Variants in ADAMTS9 observed in about 807,000 individuals in gnomAD.
ADAMTS9 encodes the protein ADAM metallopeptidase with thrombospondin type 1 motif 9.
Under a neutral mutation model 257.1 loss-of-function variants are expected in ADAMTS9, and 107 were observed. The ratio of observed to expected loss-of-function variants is 0.42; its 90% CI spans 0.36 to 0.49. The LOEUF is 0.49. Among genes scored for constraint, ADAMTS9 ranks in the 20% least tolerant of loss-of-function variants. The probability of loss-of-function intolerance (pLI) is 0.03; values close to 1 mark genes in which losing one functional copy is unlikely to be tolerated. For synonymous variants in ADAMTS9, 982 were observed against 880.9 expected (o/e 1.11, Z -2.03); for missense variants, 2,353 against 2,469.1 (o/e 0.95, Z 1.00).
intron 16 of ADAMTS9, among the ~76,000 whole-genome samples, chr3:64,631,092 T>C (rs1168716877): frequency 6.6e-6 from 1 of 152,186 alleles, no homozygotes. Flanking sequence ...ATGCTTCTAA[T>C]AAAATATTTG....
At chr3:64,535,105 T>G (rs960774990) in intron 37 of ADAMTS9, among the ~76,000 whole-genome samples, 5 of 152,140 alleles carry the variant, frequency 3.3e-5, no homozygotes, top group African/African-American at 1.2e-4. Flanking sequence ...GGGCTGAGTG[T>G]GGTGGCTCAC....
chr3:64,624,823 A>G (rs1341331384), intron 16 of ADAMTS9, among the ~76,000 whole-genome samples: 1 of 152,240 alleles, frequency 6.6e-6, no homozygotes, highest in East Asian at 1.9e-4. Context: ...TAATTTCTCA[A>G]GATAAAATCT....
Position 64,541,404 on chromosome 3 carries a change from G to T in ADAMTS9, c.5303C>A (p.Ala1768Glu), listed in dbSNP as rs200398762. Residue 1768 changes from alanine (A) to glutamate (E), a missense_variant, in exon 35 of 40, where the codon GCG becomes GAG. Physicochemically the swap from Ala to Glu is moderately radical, Grantham distance 107. Transcript: ENST00000498707. ...TTTGGGGTGGTCAGAGTGCATCCCC[G>T]CACAGAATATCTGAAAGACCATAAA... is the stretch of plus-strand genomic sequence containing the variant. The part of the protein sequence containing the change: ...IRGKLLKIFC[A>E]GMHSDHPKEY... 3.1e-6 allele frequency: 5 copies of T among 1,613,936 alleles called. No homozygotes were observed. Among genetic ancestry groups the T allele is most frequent in the Middle Eastern group, 3.3e-4 (2 of 6,062 alleles).
chr3:64,620,050 AT>A (rs1700068015), intron 19 of ADAMTS9, among the ~76,000 whole-genome samples: 1 of 151,486 alleles, frequency 6.6e-6, no homozygotes, highest in Admixed American at 6.6e-5. Flanking sequence ...TTGTCAATAT[AT>A]TTTGGCAAGC....
At position 64,654,476 on chromosome 3, in the gene ADAMTS9, A is replaced by G. The variant is rs374061021; in HGVS notation, c.1211-18T>C. The G allele has an allele frequency of 1.2e-6, 2 of 1,613,274 alleles. No homozygotes were observed. Among genetic ancestry groups the G allele is most frequent in the Non-Finnish European group, 1.7e-6 (2 of 1,179,744 alleles). On this transcript the variant is annotated intron_variant, in intron 7 of 39. Transcript: ENST00000498707. ...AGCCAGGCCTATTAGAAGGAAAAAA[A>G]CCAACAAGGATTTACTCTAAAAAGC... is the stretch of plus-strand genomic sequence containing the variant.
At chr3:64,547,156 G>A (rs1408683522) in intron 31 of ADAMTS9, among the ~76,000 whole-genome samples, 1 of 152,176 alleles carries the variant, frequency 6.6e-6, no homozygotes, top group Non-Finnish European at 1.5e-5. Context: ...GGGATCTGGT[G>A]CTTCCACTGG....
At chr3:64,618,319 C>A (rs893012830) in intron 19 of ADAMTS9, among the ~76,000 whole-genome samples, 4 of 152,070 alleles carry the variant, frequency 2.6e-5, no homozygotes, top group Non-Finnish European at 5.9e-5. Flanking sequence ...GACGTGCTGT[C>A]CTTGTTTGGT....
chr3:64,627,223 T>C (rs1700245664), intron 16 of ADAMTS9, among the ~76,000 whole-genome samples: 2 of 152,204 alleles, frequency 1.3e-5, no homozygotes, highest in Non-Finnish European at 1.5e-5. Context: ...CCAGGTTTCC[T>C]TTCATGCTTT....
intron 8 of ADAMTS9, 45 bp downstream of exon 8, chr3:64,654,308 T>G: frequency 6.4e-7 from 1 of 1,568,360 alleles, no homozygotes; most frequent in South Asian, 1.1e-5. Context: ...GAATAAAAGG[T>G]TTAGGTCACT....
chr3:64,610,399 G>GAAA (rs899503949), intron 22 of ADAMTS9, among the ~76,000 whole-genome samples: 2 of 151,844 alleles, frequency 1.3e-5, no homozygotes, highest in African/African-American at 4.8e-5. Flanking sequence ...AGAACAACGA[G>GAAA]AAAAACAGAT....
intron 28 of ADAMTS9, among the ~76,000 whole-genome samples, chr3:64,578,338 C>A (rs1264535944): frequency 1.3e-5 from 2 of 150,748 alleles, no homozygotes; most frequent in African/African-American, 4.9e-5. Flanking sequence ...ACGGGATGAG[C>A]AGTAATAACC....
chr3:64,641,158 G>A (rs1241041914), intron 12 of ADAMTS9, among the ~76,000 whole-genome samples: 2 of 151,802 alleles, frequency 1.3e-5, no homozygotes, highest in Non-Finnish European at 2.9e-5. Context: ...TAACTAGAAG[G>A]AATATATTAG....
intron 38 of ADAMTS9, among the ~76,000 whole-genome samples, chr3:64,528,613 T>C (rs1193845948): frequency 6.6e-6 from 1 of 152,082 alleles, no homozygotes; most frequent in Non-Finnish European, 1.5e-5. Context: ...TACACTGCAG[T>C]TCGATGTCCT....
rs1285391034 is a variant in ADAMTS9, at chr3:64,597,063, A to G, written c.4018-72T>C. 126 of 1,584,436 alleles carry G rather than the reference A, an allele frequency of 8.0e-5. 1 individual carries two copies. In the East Asian group the frequency reaches 2.8e-3, roughly 35 times the overall value. On this transcript the variant is annotated intron_variant, in intron 26 of 39. Transcript: ENST00000498707. ...TAGGGACACAGAAGCAGCTGGTTGA[A>G]AGGTTAAGACAAATGTGCTGAAAAG...
At position 64,687,569 on chromosome 3, in the gene ADAMTS9, C is replaced by T. The variant is rs1231461637; in HGVS notation, c.89G>A (p.Arg30His). Residue 30 changes from arginine to histidine, a missense_variant, in exon 1 of 40, where the codon CGC (arginine) becomes CAC (histidine). Arg to His is a conservative substitution (Grantham distance 29). Coordinates refer to ENST00000498707, the MANE Select transcript of ADAMTS9 (RefSeq NM_182920.2). The surrounding 1 kb of genome is among the most constrained non-coding windows in gnomAD (Gnocchi z 4.4). ...MGSPDAAAAV[R>H]KDRLHPRQVK... ...TTGCCTCGGGTGCAGCCTGTCCTTG[C>T]GCACGGCCGCCGCGGCGTCTGGGCT... 2 of 1,564,146 alleles carry T rather than the reference C, an allele frequency of 1.3e-6. No homozygotes were observed. Among genetic ancestry groups the T allele is most frequent in the Non-Finnish European group, 1.7e-6 (2 of 1,155,466 alleles).
At chr3:64,529,390 G>C (rs1376870630) in intron 38 of ADAMTS9, among the ~76,000 whole-genome samples, 1 of 151,954 alleles carries the variant, frequency 6.6e-6, no homozygotes, top group Non-Finnish European at 1.5e-5. Flanking sequence ...ACATTTTATT[G>C]CCAAGGAGGT....
chr3:64,547,100 C>A (rs2083210434), intron 31 of ADAMTS9, 148 bp from the exon 32 acceptor site: 6 of 741,026 alleles, frequency 8.1e-6, no homozygotes, highest in Non-Finnish European at 1.3e-5. Flanking sequence ...TTTCAAGTGG[C>A]AGGCCCTGAG....
At chr3:64,641,794 G>A in intron 12 of ADAMTS9, 54 bp downstream of exon 12, 1 of 1,600,046 alleles carries the variant, frequency 6.2e-7, no homozygotes. Flanking sequence ...TTCCCTTTAG[G>A]AATTTCATGT....
chr3:64,620,935 A>C (rs1700087487), intron 19 of ADAMTS9, among the ~76,000 whole-genome samples, 179 bp downstream of exon 19: 1 of 152,220 alleles, frequency 6.6e-6, no homozygotes, highest in African/African-American at 2.4e-5. Flanking sequence ...AGAAATCTGC[A>C]CATGTATGTC....
Sources: gnomAD v4.1 joint callset for allele counts (sites outside exome capture counted in the v4.1 genomes callset) on GRCh38, gnomAD v4.1.1 for gene constraint, Gnocchi (gnomAD v3.1) non-coding constraint, MANE v1.5 for transcripts, NCBI Gene and HGNC (gene_info 2026-07-23, HGNC 2026-07-21) for gene names.